Variants in WIPF3 observed in about 807,000 individuals in gnomAD.
WIPF3 encodes WAS/WASL-interacting protein family member 3.
Under a neutral mutation model 38.9 loss-of-function variants are expected in WIPF3, and 33 were observed. The ratio of observed to expected loss-of-function variants is 0.85; its 90% CI spans 0.64 to 1.14. The LOEUF is 1.14. Among genes scored for constraint, WIPF3 ranks in the 50% most tolerant of loss-of-function variants. The pLI is 0.00. For synonymous variants in WIPF3, 324 were observed against 269.3 expected, an observed-to-expected ratio of 1.20 and a Z score of -1.99; for missense variants, 711 against 652.5, an observed-to-expected ratio of 1.09 and a Z score of -0.98.
intron 1 of WIPF3, among the ~76,000 whole-genome samples, chr7:29,812,754 G>T (rs975835737): frequency 3.9e-5 from 6 of 152,178 alleles, no homozygotes; most frequent in African/African-American, 1.4e-4. Context: ...AATGGTTATT[G>T]AGTAGGCAGC....
At chr7:29,839,077 C>T (rs1038683143) in intron 2 of WIPF3, among the ~76,000 whole-genome samples, 2 of 152,156 alleles carry the variant, frequency 1.3e-5, no homozygotes, top group East Asian at 1.9e-4. Context: ...CAGGAGATGG[C>T]ACCCTTTGGG....
intron 1 of WIPF3, 139 bp from the exon 2 acceptor site, chr7:29,834,528 TA>T: frequency 1.2e-6 from 1 of 814,266 alleles, no homozygotes; most frequent in Non-Finnish European, 1.7e-6. Flanking sequence ...ACTCTGTGAA[TA>T]AATGAATGAA....
intron 1 of WIPF3, among the ~76,000 whole-genome samples, chr7:29,810,783 TGATCTTG>T (rs1259425746): frequency 2.6e-5 from 4 of 152,266 alleles, no homozygotes. Flanking sequence ...ATTTGCTGTA[TGATCTTG>T]GACAAATTAC....
chr7:29,902,405 C>T (rs1219245245), intron 7 of WIPF3, among the ~76,000 whole-genome samples: 1 of 151,584 alleles, frequency 6.6e-6, no homozygotes. Context: ...ATGAAAATTA[C>T]AGTGTCCATT....
Position 29,906,699 on chromosome 7 carries a change from T to C in WIPF3, c.1428+2337T>C, listed in dbSNP as rs369498053. 1.9e-4 allele frequency among the ~76,000 whole-genome samples: 29 copies of C among 152,238 alleles called. No individual in the cohort carries two copies. The East Asian group carries it at 3.1e-3, about 16-fold the overall frequency. On this transcript the variant is annotated intron_variant, in intron 8 of 8. Transcript: ENST00000242140. The stretch of plus-strand genomic sequence containing the variant: ...ATCCAAAATGCTCAGTAAAGTAAGA[T>C]GAACTAAAAAACCACACCAAAGAAA...
intron 3 of WIPF3, among the ~76,000 whole-genome samples, chr7:29,876,452 G>C (rs1301256464): frequency 1.3e-5 from 2 of 152,116 alleles, no homozygotes; most frequent in East Asian, 1.9e-4. Context: ...TGCCTATTCT[G>C]TTATTTCAAA....
At position 29,884,056 on chromosome 7, in the gene WIPF3, C is replaced by T; in HGVS notation, c.562C>T (p.Pro188Ser). The change falls in exon 5 of 9, where the codon CCG becomes TCG. Residue 188 changes from proline (P) to serine (S), a missense_variant. Coordinates refer to ENST00000242140, the MANE Select transcript of WIPF3 (RefSeq NM_001080529.3). Reference sequence around the variant, plus strand: ...ACCCCCTCCGCCTCCACCCTTACCCCCGCCCCTTCCCTCTTCCTCCCCCAT... The same window carrying T: ...ACCCCCTCCGCCTCCACCCTTACCCTCGCCCCTTCCCTCTTCCTCCCCCAT... Reference protein sequence around the residue: ...TPPPPPPPLPPPLPSSSPIKT... With the variant: ...TPPPPPPPLPSPLPSSSPIKT... 7.0e-7 allele frequency: 1 copy of T among 1,421,598 alleles called. No homozygotes were observed. 88.1% of individuals were successfully genotyped at this position (1,421,598 alleles called of 1,614,324 possible).
intron 2 of WIPF3, among the ~76,000 whole-genome samples, chr7:29,846,775 A>T (rs1785008371): frequency 6.6e-6 from 1 of 152,240 alleles, no homozygotes; most frequent in East Asian, 1.9e-4. Flanking sequence ...CAGTTGTCCA[A>T]TCAGCACTCA....
chr7:29,876,483 A>G (rs931548872), intron 3 of WIPF3, among the ~76,000 whole-genome samples: 2 of 152,230 alleles, frequency 1.3e-5, no homozygotes, highest in African/African-American at 4.8e-5. Context: ...CATGCAATAT[A>G]TGGCCTTTTG....
intron 5 of WIPF3, among the ~76,000 whole-genome samples, chr7:29,885,246 G>A (rs572556442): frequency 6.6e-6 from 1 of 152,284 alleles, no homozygotes; most frequent in Admixed American, 6.5e-5. Context: ...CATGCCCCAT[G>A]GCTGATTTCC....
At position 29,834,813 on chromosome 7, in the gene WIPF3, C is replaced by T. The variant is rs374540847; in HGVS notation, c.89C>T (p.Pro30Leu). ...APPPPPPSAP[P>L]VSTDTSSLRR... ...CCCCCTCCCCCACCATCAGCACCCC[C>T]GGTAAGACCTTTTTTTCTGATTGGT... The change falls in exon 2 of 9, where the codon CCG (proline) becomes CTG (leucine). Residue 30 changes from proline to leucine, a missense_variant and splice_region_variant. Physicochemically the swap from Pro to Leu is moderately conservative, Grantham distance 98. Transcript: ENST00000242140. 15 of 1,541,492 alleles carry T rather than the reference C, an allele frequency of 9.7e-6. No individual in the cohort carries two copies. Among genetic ancestry groups the T allele is most frequent in the African/African-American group, 5.5e-5 (4 of 72,170 alleles).
At chr7:29,903,442 C>G (rs1403843650) in intron 7 of WIPF3, among the ~76,000 whole-genome samples, 2 of 151,936 alleles carry the variant, frequency 1.3e-5, no homozygotes, top group East Asian at 3.8e-4. Flanking sequence ...AATGAACATT[C>G]ATGCTTTTCT....
intron 2 of WIPF3, among the ~76,000 whole-genome samples, chr7:29,848,071 T>C (rs933018172): frequency 6.6e-6 from 1 of 152,168 alleles, no homozygotes; most frequent in African/African-American, 2.4e-5. Context: ...TCCTGCAGCA[T>C]GATTCTTAGG....
rs914991744 is a variant in WIPF3, at chr7:29,844,585, T to A, written c.90+9771T>A. 1.3e-5 allele frequency among the ~76,000 whole-genome samples: 2 copies of A among 152,246 alleles called. No individual in the cohort carries two copies. ...AGGCTGGATTCCTCCCCTGCCTTTC[T>A]GGCCATTGAGCCTAACTGCCGTGTG... is the stretch of plus-strand genomic sequence containing the variant. On this transcript the variant is annotated intron_variant, in intron 2 of 8. Coordinates refer to ENST00000242140, the MANE Select transcript of WIPF3 (RefSeq NM_001080529.3). The surrounding 1 kb of genome is among the most constrained non-coding windows in gnomAD (Gnocchi z 4.8).
At chr7:29,871,735 A>G (rs926841660) in intron 2 of WIPF3, among the ~76,000 whole-genome samples, 4 of 152,200 alleles carry the variant, frequency 2.6e-5, no homozygotes, top group Non-Finnish European at 5.9e-5. Flanking sequence ...TTTATAATGT[A>G]TCCAGGTGAG....
At chr7:29,908,047 A>G (rs1218840057) in intron 8 of WIPF3, among the ~76,000 whole-genome samples, 1 of 152,214 alleles carries the variant, frequency 6.6e-6, no homozygotes, top group Non-Finnish European at 1.5e-5. Flanking sequence ...AAACTTTCCA[A>G]TCAAAAGACA....
At chr7:29,914,421 G>T in intron 8 of WIPF3, 72 bp from the exon 9 acceptor site, 1 of 1,256,798 alleles carries the variant, frequency 8.0e-7, no homozygotes, top group Non-Finnish European at 1.1e-6. Flanking sequence ...GTTTGGGGGG[G>T]TGGAGGAGGA....
At chr7:29,904,241 G>A (rs540603310) in intron 7 of WIPF3, 45 bp from the exon 8 acceptor site, 38 of 1,588,256 alleles carry the variant, frequency 2.4e-5, no homozygotes, top group Middle Eastern at 1.7e-4. Context: ...ATGCACACCC[G>A]GTCCCTGGGC....
rs1219329819 is a variant in WIPF3, at chr7:29,844,922, ACTT to A, written c.90+10111_90+10113del. Among the ~76,000 whole-genome samples, 1 of 151,818 alleles carries A rather than the reference ACTT, an allele frequency of 6.6e-6. No homozygotes were observed. Among genetic ancestry groups the A allele is most frequent in the Non-Finnish European group, 1.5e-5 (1 of 67,964 alleles). ...GCAGATCTTCTCAAGGATTACTTCT[ACTT>A]CTCTCAATCTAAAAGCCAGGAAGTC... On this transcript the variant is annotated intron_variant, in intron 2 of 8. Transcript: ENST00000242140. The surrounding 1 kb of genome is among the most constrained non-coding windows in gnomAD (Gnocchi z 4.8).
Sources: allele counts gnomAD v4.1 joint callset (sites outside exome capture counted in the v4.1 genomes callset), GRCh38; gene constraint gnomAD v4.1.1; non-coding constraint Gnocchi (gnomAD v3.1); transcripts MANE v1.5; gene names NCBI Gene and HGNC (gene_info 2026-07-23, HGNC 2026-07-21).